Variants in RABL2A observed in about 807,000 individuals in gnomAD.
RABL2A encodes the protein rab-like protein 2A.
RABL2A carries 17 observed loss-of-function variants against 30.7 expected under a neutral mutation model. The observed-to-expected ratio is 0.55, with a 90% confidence interval of 0.38 to 0.83. The LOEUF (loss-of-function observed/expected upper bound fraction) is 0.83, where lower values mean the gene tolerates loss of function less well. Ranked by LOEUF, RABL2A falls within the 40% of genes least tolerant of loss-of-function variation. The probability of loss-of-function intolerance (pLI) is 0.00; values close to 1 mark genes in which losing one functional copy is unlikely to be tolerated. For synonymous variants in RABL2A, 64 were observed against 101.8 expected, an observed-to-expected ratio of 0.63 and a Z score of 2.24; for missense variants, 155 against 272.6, an observed-to-expected ratio of 0.57 and a Z score of 3.04.
intron 2 of RABL2A, among the ~76,000 whole-genome samples, chr2:113,629,344 C>A (rs1340293225): frequency 6.6e-5 from 10 of 152,196 alleles, no homozygotes; most frequent in African/African-American, 2.4e-4. Flanking sequence ...TCACGTTTAT[C>A]TCCCAAGTAC....
At chr2:113,636,721 G>T (rs1370434684) in intron 5 of RABL2A, among the ~76,000 whole-genome samples, 1 of 152,156 alleles carries the variant, frequency 6.6e-6, no homozygotes, top group South Asian at 2.1e-4. Context: ...GGGTGCGGTG[G>T]CTCACGCCTG....
At chr2:113,641,275 A>G in intron 6 of RABL2A, 78 bp from the exon 7 acceptor site, 1 of 1,600,482 alleles carries the variant, frequency 6.2e-7, no homozygotes, top group South Asian at 1.1e-5. Context: ...ACTTTCTGGA[A>G]TGAAGGCCTC....
Position 113,642,702 on chromosome 2 carries a change from G to A in RABL2A, c.*573G>A, listed in dbSNP as rs1316696110. 1.5e-5 allele frequency: 3 copies of A among 193,714 alleles called. No homozygotes were observed. The highest frequency in any genetic ancestry group is 1.6e-4 in the South Asian group (2 of 12,284). 12.0% of individuals were successfully genotyped at this position (193,714 alleles called of 1,614,324 possible). A position where few individuals can be genotyped will look rare whatever the true frequency, so the allele number is the denominator to read the frequency against. On this transcript the variant is annotated 3_prime_UTR_variant, in exon 9 of 9. Coordinates refer to ENST00000683472, the MANE Select transcript of RABL2A (RefSeq NM_001306158.2). Reference sequence around the variant, plus strand: ...TGTCGCCAGGCTGGAGTGCAGTGGCGCAGTCTCGGCTCGCTGCAACCTCTG... The same window carrying A: ...TGTCGCCAGGCTGGAGTGCAGTGGCACAGTCTCGGCTCGCTGCAACCTCTG...
In RABL2A at chr2:113,638,509, G is replaced by C. The variant is rs906937538; in HGVS notation, c.298-2385G>C. 7 of 985,392 alleles carry C rather than the reference G, an allele frequency of 7.1e-6. No individual in the cohort carries two copies. In the Admixed American group the frequency reaches 3.1e-4, roughly 43 times the overall value. The allele number at this position is 985,392 out of a possible 1,614,324, so 61.0% of individuals were successfully genotyped here. A position where few individuals can be genotyped will look rare whatever the true frequency, so the allele number is the denominator to read the frequency against. ...GGCTCACTGTAGCAGCAGCTCAGTT[G>C]TCTTTCAGAGTTCTGCCCTTAGAGC... On this transcript the variant is annotated intron_variant, in intron 5 of 8. Transcript: ENST00000683472.
intron 5 of RABL2A, among the ~76,000 whole-genome samples, chr2:113,636,307 C>T (rs546386390): frequency 4.6e-5 from 7 of 151,990 alleles, no homozygotes; most frequent in East Asian, 3.9e-4. Context: ...TCTGATGGAT[C>T]GGGAATCCAT....
At chr2:113,634,295 G>A in intron 4 of RABL2A, 63 bp downstream of exon 4, 2 of 1,562,462 alleles carry the variant, frequency 1.3e-6, no homozygotes, top group Middle Eastern at 1.7e-4. Context: ...GACGAGGGGA[G>A]GTGAGGCAAG....
rs141631881 is a variant in RABL2A at position 113,642,101 on chromosome 2, C to A, written c.662C>A (p.Ser221Ter). 1.1e-4 allele frequency: 175 copies of A among 1,613,690 alleles called. No individual in the cohort carries two copies. In the South Asian group the frequency reaches 1.2e-3, roughly 11 times the overall value. The change falls in exon 9 of 9, where the codon TCA (serine) becomes TAA (stop). Residue 221 changes from serine to a stop codon, truncating the protein, a stop_gained. Transcript: ENST00000683472. LOFTEE classifies it high-confidence loss of function. ...QEQSSSIETP[S>*]EEVASPHS ...CAGAGCAGCAGCATCGAGACCCCAT[C>A]AGAGGAGGTGGCCTCTCCCCACAGC...
Position 113,641,363 on chromosome 2 carries a change from CG to C in RABL2A, c.421del (p.Val141Ter), listed in dbSNP as rs1259096126. 1 of 1,613,444 alleles carries C rather than the reference CG, an allele frequency of 6.2e-7. No homozygotes were observed. The highest frequency in any genetic ancestry group is 8.5e-7 in the Non-Finnish European group (1 of 1,179,964). ...VANKIDADINVTQKSFNFAKK... is the reference protein window; with the variant it reads ...VANKIDADINXTQKSFNFAKK... ...ACCTTCTCTCTACAGCAGACATAAA[CG>C]TGACCCAAAAAAGCTTCAATTTTGC... On this transcript the variant is annotated frameshift_variant, in exon 7 of 9. Transcript: ENST00000683472. LOFTEE classifies it high-confidence loss of function.
At chr2:113,638,233 G>C in intron 5 of RABL2A, 4 of 985,400 alleles carry the variant, frequency 4.1e-6, no homozygotes, top group Non-Finnish European at 4.8e-6. Context: ...GCCTGTGAAA[G>C]AGAATCTACA....
At chr2:113,636,872 C>T (rs1682971247) in intron 5 of RABL2A, among the ~76,000 whole-genome samples, 1 of 151,904 alleles carries the variant, frequency 6.6e-6, no homozygotes, top group South Asian at 2.1e-4. Context: ...GCCTGTAGTC[C>T]CAGCTACTCG....
At chr2:113,630,108 A>G (rs1573945447) in intron 2 of RABL2A, among the ~76,000 whole-genome samples, 2 of 152,200 alleles carry the variant, frequency 1.3e-5, no homozygotes, top group African/African-American at 4.8e-5. Context: ...CATTTCAAAC[A>G]GTAACAAAAA....
intron 2 of RABL2A, among the ~76,000 whole-genome samples, chr2:113,631,606 G>T (rs1204012754): frequency 6.6e-6 from 1 of 152,198 alleles, no homozygotes; most frequent in Non-Finnish European, 1.5e-5. Context: ...CTGTTTTTGA[G>T]CTCAGGCCTG....
At chr2:113,639,299 CAGAA>C (rs1250508577) in intron 5 of RABL2A, among the ~76,000 whole-genome samples, 1 of 151,242 alleles carries the variant, frequency 6.6e-6, no homozygotes, top group Non-Finnish European at 1.5e-5. Flanking sequence ...AAACAAAAAG[CAGAA>C]AGAACAAAGA....
chr2:113,639,080 C>A (rs1684075430), intron 5 of RABL2A, among the ~76,000 whole-genome samples: 1 of 151,466 alleles, frequency 6.6e-6, no homozygotes, highest in Non-Finnish European at 1.5e-5. Context: ...CCCGGGAGTC[C>A]AAGACCAGCC....
chr2:113,632,529 G>A (rs1171723740), intron 2 of RABL2A, among the ~76,000 whole-genome samples: 1 of 152,254 alleles, frequency 6.6e-6, no homozygotes, highest in Non-Finnish European at 1.5e-5. Flanking sequence ...GCCTCCCAAA[G>A]TGCTGGGATT....
intron 2 of RABL2A, among the ~76,000 whole-genome samples, chr2:113,629,181 A>C (rs1230033312): frequency 6.6e-6 from 1 of 152,164 alleles, no homozygotes; most frequent in Non-Finnish European, 1.5e-5. Context: ...TTCGGTGCCT[A>C]CATGCCACCT....
intron 5 of RABL2A, chr2:113,637,470 C>T (rs1274095603): frequency 8.9e-7 from 1 of 1,123,072 alleles, no homozygotes; most frequent in Admixed American, 3.8e-5. Context: ...GTGCTGCCCC[C>T]AGGAACTGAC....
chr2:113,629,737 A>AC (rs1414242409), intron 2 of RABL2A, among the ~76,000 whole-genome samples: 27 of 151,946 alleles, frequency 1.8e-4, no homozygotes, highest in Admixed American at 1.5e-3. Context: ...ACGGGGCTTC[A>AC]CCTTGTTAGC....
chr2:113,641,484 A>G (rs1273331803), intron 7 of RABL2A, 34 bp downstream of exon 7: 2 of 1,610,796 alleles, frequency 1.2e-6, no homozygotes, highest in African/African-American at 2.7e-5. Context: ...TAGCAAGGTC[A>G]GGGCGCTAGG....
Sources: gnomAD v4.1 joint callset for allele counts (sites outside exome capture counted in the v4.1 genomes callset) on GRCh38, gnomAD v4.1.1 for gene constraint, MANE v1.5 for transcripts, NCBI Gene and HGNC (gene_info 2026-07-23, HGNC 2026-07-21) for gene names.